Variants in CPEB3 observed in about 807,000 individuals in gnomAD.
The protein encoded by CPEB3 is cytoplasmic polyadenylation element binding protein 3.
In CPEB3, 20 loss-of-function variants were observed where a neutral mutation model predicts 67.2. That is an observed-to-expected ratio of 0.30 (90% CI 0.21 to 0.43). The LOEUF (loss-of-function observed/expected upper bound fraction) is 0.43. CPEB3 is among the 20% of genes least tolerant of loss of function. The pLI is 1.00. For synonymous variants in CPEB3, 376 were observed against 393.1 expected (o/e 0.96, Z 0.51); for missense variants, 746 against 968.6 (o/e 0.77, Z 3.05).
intron 4 of CPEB3, among the ~76,000 whole-genome samples, chr10:92,161,639 T>C (rs897677578): frequency 1.7e-4 from 26 of 151,912 alleles, no homozygotes; most frequent in South Asian, 4.2e-4. Context: ...GTTATAGTGA[T>C]TATCATAGCA....
At chr10:92,287,844 A>G (rs1028272191) in intron 1 of CPEB3, among the ~76,000 whole-genome samples, 3 of 152,090 alleles carry the variant, frequency 2.0e-5, no homozygotes, top group African/African-American at 4.8e-5. Flanking sequence ...CATCCCTCTA[A>G]TAAGGAACCT....
At chr10:92,080,163 C>T (rs1343143639) in intron 9 of CPEB3, among the ~76,000 whole-genome samples, 1 of 149,888 alleles carries the variant, frequency 6.7e-6, no homozygotes, top group East Asian at 2.0e-4. Flanking sequence ...GCCAAGATTG[C>T]GCCACTGCAC....
chr10:92,162,269 A>G (rs1026764763), intron 4 of CPEB3, among the ~76,000 whole-genome samples: 13 of 152,084 alleles, frequency 8.5e-5, no homozygotes, highest in African/African-American at 3.1e-4. Flanking sequence ...TAGTAACCAG[A>G]GAGGAGCCTA....
At chr10:92,219,314 C>T (rs1033482941) in intron 2 of CPEB3, among the ~76,000 whole-genome samples, 4 of 152,140 alleles carry the variant, frequency 2.6e-5, no homozygotes, top group Non-Finnish European at 5.9e-5. Flanking sequence ...TCCTTTTACC[C>T]AGCTTTGTCC....
intron 1 of CPEB3, among the ~76,000 whole-genome samples, chr10:92,254,599 G>A (rs916283456): frequency 6.6e-6 from 1 of 152,076 alleles, no homozygotes; most frequent in East Asian, 1.9e-4. Context: ...AGGGCCTCCT[G>A]GCCACAAAGT....
rs971951296 is a variant in CPEB3, at chr10:92,091,845, G to A, written c.1672C>T (p.Arg558Ter). 1.2e-6 allele frequency: 2 copies of A among 1,609,958 alleles called. No individual in the cohort carries two copies. The highest frequency in any genetic ancestry group is 1.7e-6 in the Non-Finnish European group (2 of 1,177,048). The change falls in exon 8 of 10, where the codon CGA becomes TGA. Residue 558 changes from arginine (R) to a stop codon, truncating the protein, a stop_gained. Coordinates refer to ENST00000265997, the MANE Select transcript of CPEB3 (RefSeq NM_014912.5). LOFTEE classifies it high-confidence loss of function. ...RKTIFVGGVP[R>*]PLRAVELAMI... Reference sequence around the variant, plus strand: ...TTCCACTCACCAGCTCGAAGGGGTCGTGGAACTCCCCCAACAAAGATAGTT... The same window carrying A: ...TTCCACTCACCAGCTCGAAGGGGTCATGGAACTCCCCCAACAAAGATAGTT...
chr10:92,250,835 G>A (rs1030063462), intron 1 of CPEB3, among the ~76,000 whole-genome samples: 8 of 148,510 alleles, frequency 5.4e-5, no homozygotes, highest in South Asian at 4.3e-4. Flanking sequence ...GACTACAGGC[G>A]CCTGCCACCA....
intron 7 of CPEB3, among the ~76,000 whole-genome samples, chr10:92,097,139 C>A (rs961046691): frequency 5.9e-5 from 9 of 152,018 alleles, no homozygotes; most frequent in African/African-American, 2.2e-4. Context: ...CTTCTCAGCT[C>A]CAGCAAGTAG....
chr10:92,229,404 A>G (rs765419673), intron 2 of CPEB3, among the ~76,000 whole-genome samples: 7 of 152,170 alleles, frequency 4.6e-5, no homozygotes, highest in Non-Finnish European at 1.0e-4. Context: ...TCTATTGTTA[A>G]TAACTCGACA....
chr10:92,089,397 G>A (rs1228074228), intron 8 of CPEB3, among the ~76,000 whole-genome samples: 1 of 151,954 alleles, frequency 6.6e-6, no homozygotes, highest in Non-Finnish European at 1.5e-5. Flanking sequence ...GGCATGGGAG[G>A]AACCCTATCA....
rs1847940409 is a variant in CPEB3, at chr10:92,170,256, C to T, written c.1222+10707G>A. Among the ~76,000 whole-genome samples the T allele has an allele frequency of 2.0e-5, 3 of 152,166 alleles. No individual in the cohort carries two copies. The South Asian group carries it at 6.2e-4, about 32-fold the overall frequency. On this transcript the variant is annotated intron_variant, in intron 4 of 9. Coordinates refer to ENST00000265997, the MANE Select transcript of CPEB3 (RefSeq NM_014912.5). ...CACATACTTAGTATTAATTTACTTT[C>T]TAAATTACATTTAACATATAAGATA...
chr10:92,181,217 A>G (rs1336780171), intron 3 of CPEB3, among the ~76,000 whole-genome samples, 198 bp from the exon 4 acceptor site: 1 of 151,914 alleles, frequency 6.6e-6, no homozygotes, highest in Non-Finnish European at 1.5e-5. Context: ...AGTTTCAACA[A>G]CAAATAAATA....
At chr10:92,166,656 G>T (rs148030429) in intron 4 of CPEB3, among the ~76,000 whole-genome samples, 1 of 152,166 alleles carries the variant, frequency 6.6e-6, no homozygotes, top group Non-Finnish European at 1.5e-5. Context: ...TGTCATACAG[G>T]CTTTGTTGTT....
At chr10:92,167,982 T>C (rs1847824399) in intron 4 of CPEB3, among the ~76,000 whole-genome samples, 1 of 151,872 alleles carries the variant, frequency 6.6e-6, no homozygotes, top group Non-Finnish European at 1.5e-5. Context: ...GATATAGTAA[T>C]AACAAAAAAG....
chr10:92,169,861 T>G (rs1047001767), intron 4 of CPEB3, among the ~76,000 whole-genome samples: 2 of 152,248 alleles, frequency 1.3e-5, no homozygotes, highest in Non-Finnish European at 2.9e-5. Context: ...CATATCAGAC[T>G]GAATATTCTC....
chr10:92,258,867 C>A (rs181292879), intron 1 of CPEB3, among the ~76,000 whole-genome samples: 1 of 151,154 alleles, frequency 6.6e-6, no homozygotes, highest in Admixed American at 6.6e-5. Context: ...ACCATATTAG[C>A]CAGGATGGTC....
intron 1 of CPEB3, among the ~76,000 whole-genome samples, chr10:92,284,222 A>T (rs1842433580): frequency 5.9e-5 from 9 of 151,632 alleles, no homozygotes; most frequent in Admixed American, 5.9e-4. Flanking sequence ...TATTTTTAGT[A>T]GAGACGGAGT....
intron 2 of CPEB3, among the ~76,000 whole-genome samples, chr10:92,207,857 G>A (rs1057508623): frequency 2.0e-5 from 3 of 152,204 alleles, no homozygotes; most frequent in East Asian, 1.9e-4. Flanking sequence ...GCGATAGAGC[G>A]AGACTCTGTC....
chr10:92,275,614 A>G (rs373434102), intron 1 of CPEB3, among the ~76,000 whole-genome samples: 8 of 152,158 alleles, frequency 5.3e-5, no homozygotes, highest in African/African-American at 1.9e-4. Flanking sequence ...AACAATCACT[A>G]TAATCAATTT....
Sources: allele counts gnomAD v4.1 joint callset (sites outside exome capture counted in the v4.1 genomes callset), GRCh38; gene constraint gnomAD v4.1.1; transcripts MANE v1.5; gene names NCBI Gene and HGNC (gene_info 2026-07-23, HGNC 2026-07-21).